The following NLGN1 variants were observed in gnomAD, a reference collection of about 807,000 sequenced individuals.
NLGN1 encodes the protein neuroligin-1.
NLGN1 carries 12 observed loss-of-function variants against 65.5 expected under a neutral mutation model. That is an observed-to-expected ratio of 0.18 (90% confidence interval 0.12 to 0.30). NLGN1 has a LOEUF of 0.30. Among genes scored for constraint, NLGN1 ranks in the 10% least tolerant of loss-of-function variants. The pLI is 1.00. For missense variants in NLGN1, 750 were observed against 1,007.1 expected (o/e 0.74, Z 3.46); for synonymous variants, 350 against 359.5 (o/e 0.97, Z 0.30).
chr3:173,602,376 G>T (rs557618798), intron 2 of NLGN1, among the ~76,000 whole-genome samples: 69 of 151,944 alleles, frequency 4.5e-4, no homozygotes, highest in Non-Finnish European at 8.5e-4. Context: ...AAAATTTTGG[G>T]GGGTCAATAC....
chr3:174,248,742 C>T (rs747852994), intron 4 of NLGN1, among the ~76,000 whole-genome samples: 31 of 152,172 alleles, frequency 2.0e-4, no homozygotes, highest in Middle Eastern at 3.4e-3. Context: ...GCCTGGGCAA[C>T]GGAGTGAAAC....
At chr3:173,718,102 AT>A (rs1028196214) in intron 3 of NLGN1, among the ~76,000 whole-genome samples, 5 of 152,060 alleles carry the variant, frequency 3.3e-5, no homozygotes, top group Non-Finnish European at 7.4e-5. Context: ...AAATTAGGGT[AT>A]TTCGTATATC....
chr3:173,916,325 T>A (rs1740716215), intron 4 of NLGN1, among the ~76,000 whole-genome samples: 1 of 152,190 alleles, frequency 6.6e-6, no homozygotes, highest in Non-Finnish European at 1.5e-5. Flanking sequence ...GGTAAAACAT[T>A]ATCTATGGCA....
chr3:173,753,293 G>A (rs1280216073), intron 3 of NLGN1, among the ~76,000 whole-genome samples: 1 of 151,990 alleles, frequency 6.6e-6, no homozygotes, highest in Non-Finnish European at 1.5e-5. Context: ...AACTCTACTT[G>A]GATATCCAAT....
At chr3:173,933,704 A>G (rs1173569421) in intron 4 of NLGN1, among the ~76,000 whole-genome samples, 1 of 152,068 alleles carries the variant, frequency 6.6e-6, no homozygotes, top group Non-Finnish European at 1.5e-5. Context: ...AAATCAACTG[A>G]GCTTTCTTCT....
intron 4 of NLGN1, among the ~76,000 whole-genome samples, chr3:173,913,723 A>C (rs2152233662): frequency 6.6e-6 from 1 of 152,322 alleles, no homozygotes; most frequent in African/African-American, 2.4e-5. Context: ...GCCAAAGAAA[A>C]GTGCTTGATT....
Position 173,854,927 on chromosome 3 carries a change from A to C in NLGN1, c.646+47095A>C, listed in dbSNP as rs368328718. Among the ~76,000 whole-genome samples the C allele has an allele frequency of 5.7e-4, 87 of 152,276 alleles. 2 individuals carry two copies. The South Asian group carries it at 0.017, about 30-fold the overall frequency. ...TTTGAAAAATCATACTACAAGATAC[A>C]AAAATTAGAACAAAAACTAGTAAAT... On this transcript the variant is annotated intron_variant, in intron 4 of 6. Coordinates refer to ENST00000457714, the Ensembl canonical transcript of NLGN1.
intron 4 of NLGN1, among the ~76,000 whole-genome samples, chr3:174,190,146 T>C (rs1478797824): frequency 6.6e-6 from 1 of 152,232 alleles, no homozygotes; most frequent in African/African-American, 2.4e-5. Flanking sequence ...ATATCATCCC[T>C]TGTTGAGTTG....
chr3:173,968,697 T>C (rs1715447145), intron 4 of NLGN1, among the ~76,000 whole-genome samples: 1 of 130,328 alleles, frequency 7.7e-6, no homozygotes, highest in African/African-American at 3.0e-5. Context: ...CTTTTTTTTT[T>C]TTTTTTTTTT....
intron 3 of NLGN1, among the ~76,000 whole-genome samples, chr3:173,712,877 G>A (rs905782748): frequency 2.0e-5 from 3 of 151,914 alleles, no homozygotes; most frequent in African/African-American, 4.8e-5. Context: ...AGGTTGGTTG[G>A]GGTACAGAAA....
intron 4 of NLGN1, 116 bp from the exon 5 acceptor site, chr3:174,275,199 C>CTAAT (rs1491421449): frequency 2.9e-6 from 2 of 692,454 alleles, no homozygotes; most frequent in African/African-American, 1.8e-5. Flanking sequence ...ATAATTTTTA[C>CTAAT]TAATGAACTT....
chr3:173,951,138 A>T (rs926508691), intron 4 of NLGN1, among the ~76,000 whole-genome samples: 1 of 152,054 alleles, frequency 6.6e-6, no homozygotes, highest in South Asian at 2.1e-4. Context: ...GAGTGCTGGG[A>T]TTACAGGCCA....
chr3:173,495,702 A>G (rs807154), intron 2 of NLGN1, among the ~76,000 whole-genome samples: 14,827 of 142,064 alleles, frequency 0.1, 934 homozygotes, highest in Admixed American at 0.19. Flanking sequence ...AAAAAACTCT[A>G]TTGAGGTATA....
At chr3:173,691,676 A>G (rs1241919234) in intron 3 of NLGN1, among the ~76,000 whole-genome samples, 1 of 152,086 alleles carries the variant, frequency 6.6e-6, no homozygotes, top group East Asian at 1.9e-4. Context: ...ATATGAAGTC[A>G]GTACCAAGGG....
intron 4 of NLGN1, among the ~76,000 whole-genome samples, chr3:173,929,509 T>G (rs79035188): frequency 6.6e-6 from 1 of 151,248 alleles, no homozygotes; most frequent in African/African-American, 2.4e-5. Context: ...GCTGAGTGGA[T>G]AGGTGTTATG....
intron 2 of NLGN1, among the ~76,000 whole-genome samples, chr3:173,441,375 G>T (rs1719172082): frequency 6.6e-6 from 1 of 152,006 alleles, no homozygotes; most frequent in Admixed American, 6.6e-5. Flanking sequence ...CTAGCTTTTG[G>T]CCTATTTTGG....
At position 173,759,665 on chromosome 3, in the gene NLGN1, C is replaced by G. The variant is rs538614914; in HGVS notation, c.494-48015C>G. On this transcript the variant is annotated intron_variant, in intron 3 of 6. Coordinates refer to ENST00000457714, the Ensembl canonical transcript of NLGN1. ...TACTTTCATTTATATTTCCCTTACA[C>G]TCTGGGGTTGTTCATCATACTTCCA... is the stretch of plus-strand genomic sequence containing the variant. Among the ~76,000 whole-genome samples the G allele has an allele frequency of 1.4e-4, 21 of 152,000 alleles. No homozygotes were observed. The South Asian group carries it at 4.1e-3, about 30-fold the overall frequency.
chr3:174,088,295 T>A (rs1743803754), intron 4 of NLGN1, among the ~76,000 whole-genome samples: 1 of 151,984 alleles, frequency 6.6e-6, no homozygotes, highest in South Asian at 2.1e-4. Context: ...AAAAGGAGAC[T>A]AGAACAGGAA....
intron 4 of NLGN1, among the ~76,000 whole-genome samples, chr3:174,243,039 T>G (rs1743180449): frequency 6.6e-6 from 1 of 152,220 alleles, no homozygotes. Flanking sequence ...TCTATGTCCT[T>G]TTTCTGAATT....
Sources: allele counts gnomAD v4.1 joint callset (sites outside exome capture counted in the v4.1 genomes callset), GRCh38; gene constraint gnomAD v4.1.1; transcripts MANE v1.5; gene names NCBI Gene and HGNC (gene_info 2026-07-23, HGNC 2026-07-21).